Variants in COL24A1 observed in about 807,000 individuals in gnomAD.
COL24A1 encodes collagen alpha-1(XXIV) chain.
COL24A1 carries 224 observed loss-of-function variants against 253.9 expected under a neutral mutation model. That is an observed-to-expected ratio of 0.88 (90% CI 0.79 to 0.99). The LOEUF is 0.99. Ranked by LOEUF, COL24A1 falls within the 50% of genes least tolerant of loss-of-function variation. The probability of loss-of-function intolerance (pLI) is 0.00; values close to 1 mark genes in which losing one functional copy is unlikely to be tolerated. For missense variants in COL24A1, 2,131 were observed against 2,068.5 expected, an observed-to-expected ratio of 1.03 and a Z score of -0.59; for synonymous variants, 685 against 673.7, an observed-to-expected ratio of 1.02 and a Z score of -0.26.
In COL24A1 at chr1:85,874,618, T is replaced by C. The variant is rs368280687; in HGVS notation, c.3138+31A>G. 5.2e-4 allele frequency: 840 copies of C among 1,601,348 alleles called. 7 individuals are homozygous for C. In the Middle Eastern group the frequency reaches 0.012, roughly 23 times the overall value. On this transcript the variant is annotated intron_variant, in intron 35 of 59. Transcript: ENST00000370571. Reference sequence around the variant, plus strand: ...TGAGCCTCTGAAAGAAGTGGGTTAGTGTATTAAAAGAGTTTCAAGGGGGCA... The same window carrying C: ...TGAGCCTCTGAAAGAAGTGGGTTAGCGTATTAAAAGAGTTTCAAGGGGGCA...
chr1:85,980,916 CA>C (rs1019984282), intron 20 of COL24A1, among the ~76,000 whole-genome samples: 7 of 142,212 alleles, frequency 4.9e-5, no homozygotes, highest in African/African-American at 1.0e-4. Flanking sequence ...GACTCCGTCT[CA>C]AAAAAAAAAG....
chr1:86,009,135 A>G (rs547207358), intron 19 of COL24A1, among the ~76,000 whole-genome samples: 123 of 152,322 alleles, frequency 8.1e-4, no homozygotes, highest in African/African-American at 2.9e-3. Flanking sequence ...ATATGGAAAA[A>G]CAAGAATGCA....
intron 12 of COL24A1, among the ~76,000 whole-genome samples, chr1:86,046,615 A>C (rs1323267526): frequency 5.3e-5 from 8 of 152,298 alleles, no homozygotes; most frequent in African/African-American, 1.7e-4. Context: ...AAAGGGTTAG[A>C]AGTGTTCAAA....
chr1:85,998,693 A>G (rs1430929927), intron 19 of COL24A1, among the ~76,000 whole-genome samples: 1 of 152,182 alleles, frequency 6.6e-6, no homozygotes, highest in East Asian at 1.9e-4. Context: ...GGCAGGAAGG[A>G]ATGCGTACTG....
At chr1:86,035,862 G>A (rs145837511) in intron 12 of COL24A1, among the ~76,000 whole-genome samples, 2 of 152,176 alleles carry the variant, frequency 1.3e-5, no homozygotes, top group African/African-American at 4.8e-5. Flanking sequence ...CTTGCATCCA[G>A]TGGGAGAAAC....
At chr1:85,854,039 G>A (rs1167803918) in intron 37 of COL24A1, among the ~76,000 whole-genome samples, 4 of 152,122 alleles carry the variant, frequency 2.6e-5, no homozygotes, top group Non-Finnish European at 4.4e-5. Context: ...GTCTTTGCAA[G>A]GGCTGATGTC....
At chr1:85,745,837 G>A (rs1570432753) in intron 55 of COL24A1, among the ~76,000 whole-genome samples, 1 of 152,158 alleles carries the variant, frequency 6.6e-6, no homozygotes, top group African/African-American at 2.4e-5. Context: ...GATCCTCTCA[G>A]TTAATAAATT....
At chr1:85,766,764 G>A (rs1667424450) in intron 53 of COL24A1, among the ~76,000 whole-genome samples, 1 of 152,190 alleles carries the variant, frequency 6.6e-6, no homozygotes, top group East Asian at 1.9e-4. Context: ...GGAGAGCACA[G>A]TTTAATAAAT....
chr1:86,001,074 A>G (rs895365514), intron 19 of COL24A1, among the ~76,000 whole-genome samples: 5 of 151,158 alleles, frequency 3.3e-5, no homozygotes, highest in Non-Finnish European at 7.3e-5. Context: ...AAGGCAAGTG[A>G]TGTTTTATCT....
intron 37 of COL24A1, among the ~76,000 whole-genome samples, chr1:85,865,057 C>T (rs1679627854): frequency 2.0e-5 from 3 of 151,822 alleles, no homozygotes; most frequent in African/African-American, 2.4e-5. Context: ...AAATCTAACT[C>T]CTGGATTTGG....
intron 31 of COL24A1, among the ~76,000 whole-genome samples, chr1:85,893,385 T>A (rs984633181): frequency 6.6e-6 from 1 of 151,778 alleles, no homozygotes; most frequent in African/African-American, 2.4e-5. Context: ...TAAAGAAAAA[T>A]TAGAAAGAAT....
intron 43 of COL24A1, among the ~76,000 whole-genome samples, chr1:85,829,684 C>T (rs1318737003): frequency 6.6e-6 from 1 of 152,042 alleles, no homozygotes; most frequent in Non-Finnish European, 1.5e-5. Flanking sequence ...CATCTTCCAT[C>T]ACTGCTACCC....
At chr1:85,754,831 A>C (rs1666045920) in intron 55 of COL24A1, among the ~76,000 whole-genome samples, 2 of 152,154 alleles carry the variant, frequency 1.3e-5, no homozygotes, top group African/African-American at 4.8e-5. Flanking sequence ...AGAGATCTGT[A>C]GGACACTGTC....
chr1:85,987,563 C>A, intron 20 of COL24A1, 38 bp downstream of exon 20: 1 of 1,558,830 alleles, frequency 6.4e-7, no homozygotes, highest in East Asian at 2.2e-5. Flanking sequence ...CTCTAGATAA[C>A]CATAATTGTT....
At chr1:85,792,701 C>A (rs1670419320) in intron 47 of COL24A1, among the ~76,000 whole-genome samples, 1 of 151,518 alleles carries the variant, frequency 6.6e-6, no homozygotes, top group South Asian at 2.1e-4. Context: ...GAGTGAGACC[C>A]TGTCTCAAAA....
intron 37 of COL24A1, among the ~76,000 whole-genome samples, chr1:85,854,826 C>T (rs1330526065): frequency 6.6e-6 from 1 of 152,036 alleles, no homozygotes; most frequent in Non-Finnish European, 1.5e-5. Context: ...GCCTCAGCCT[C>T]CTGAGTAGCT....
intron 47 of COL24A1, among the ~76,000 whole-genome samples, chr1:85,793,070 T>C (rs1670459281): frequency 6.6e-6 from 1 of 152,184 alleles, no homozygotes; most frequent in Admixed American, 6.6e-5. Flanking sequence ...CAAAGCATTT[T>C]TTCCTTTTTT....
At chr1:85,853,691 G>A (rs1021408951) in intron 37 of COL24A1, among the ~76,000 whole-genome samples, 17 of 152,076 alleles carry the variant, frequency 1.1e-4, no homozygotes, top group African/African-American at 3.1e-4. Context: ...ATCTCATTGT[G>A]GTTTTGATTT....
intron 53 of COL24A1, among the ~76,000 whole-genome samples, chr1:85,766,213 GA>G (rs1246714846): frequency 1.3e-5 from 2 of 151,308 alleles, no homozygotes; most frequent in African/African-American, 4.9e-5. Flanking sequence ...AAAAAAATAG[GA>G]AAAAAATTAG....
Sources: allele counts gnomAD v4.1 joint callset (sites outside exome capture counted in the v4.1 genomes callset), GRCh38; gene constraint gnomAD v4.1.1; transcripts MANE v1.5; gene names NCBI Gene and HGNC (gene_info 2026-07-23, HGNC 2026-07-21).